SCGN: variants seen among roughly 807,000 people sequenced by gnomAD.
SCGN encodes secretagogin.
A neutral mutation model predicts 39.7 loss-of-function variants in SCGN; 30 were observed. The ratio of observed to expected loss-of-function variants is 0.76; its 90% CI spans 0.57 to 1.03. SCGN has a LOEUF of 1.03. Ranked by LOEUF, SCGN falls within the 50% of genes least tolerant of loss-of-function variation. The pLI, the probability that SCGN is intolerant of heterozygous loss-of-function variation, is 0.00. For synonymous variants in SCGN, 106 were observed against 114.1 expected (o/e 0.93, Z 0.45); for missense variants, 353 against 349.4 (o/e 1.01, Z -0.08).
intron 6 of SCGN, among the ~76,000 whole-genome samples, chr6:25,681,352 G>A (rs374269551): frequency 3.3e-5 from 5 of 152,152 alleles, no homozygotes; most frequent in Non-Finnish European, 7.3e-5. Context: ...TGCTAAATGA[G>A]GGCTAGAATA....
intron 5 of SCGN, 87 bp downstream of exon 5, chr6:25,669,654 G>A: frequency 9.1e-7 from 1 of 1,100,100 alleles, no homozygotes; most frequent in South Asian, 1.3e-5. Context: ...GTGGGCCCAA[G>A]AAAGATGTAT....
chr6:25,693,678 C>T (rs889865796), intron 10 of SCGN, among the ~76,000 whole-genome samples: 4 of 122,668 alleles, frequency 3.3e-5, no homozygotes, highest in Non-Finnish European at 7.7e-5. Flanking sequence ...TGGCAATTAA[C>T]TAACATATTT....
At chr6:25,656,727 G>A (rs1760234440) in intron 2 of SCGN, among the ~76,000 whole-genome samples, 1 of 152,150 alleles carries the variant, frequency 6.6e-6, no homozygotes, top group Admixed American at 6.5e-5. Flanking sequence ...TAGGTCAAAG[G>A]GATAGTCATG....
At chr6:25,675,165 T>C (rs1759548465) in intron 6 of SCGN, among the ~76,000 whole-genome samples, 1 of 152,182 alleles carries the variant, frequency 6.6e-6, no homozygotes, top group South Asian at 2.1e-4. Flanking sequence ...TTCCCAGCAC[T>C]CCCTCAACAA....
At chr6:25,692,702 A>G (rs910178655) in intron 10 of SCGN, among the ~76,000 whole-genome samples, 35 of 152,340 alleles carry the variant, frequency 2.3e-4, no homozygotes, top group African/African-American at 8.4e-4. Flanking sequence ...TGTGGGAGGC[A>G]GCTGGGCTGG....
chr6:25,669,620 G>A, intron 5 of SCGN, 53 bp downstream of exon 5: 1 of 1,461,106 alleles, frequency 6.8e-7, no homozygotes, highest in Non-Finnish European at 9.6e-7. Context: ...AATTTGATAT[G>A]TGTGTATCAT....
intron 10 of SCGN, among the ~76,000 whole-genome samples, chr6:25,697,899 G>A (rs1477466919): frequency 1.3e-5 from 2 of 152,204 alleles, no homozygotes; most frequent in East Asian, 3.8e-4. Flanking sequence ...GTTCTGACAT[G>A]TGTCAGCTGT....
At chr6:25,682,196 ATTC>A (rs1307026762) in intron 7 of SCGN, among the ~76,000 whole-genome samples, 190 bp downstream of exon 7, 1 of 152,202 alleles carries the variant, frequency 6.6e-6, no homozygotes, top group Non-Finnish European at 1.5e-5. Flanking sequence ...GATAATGAAA[ATTC>A]TTCTCTCCAA....
intron 10 of SCGN, among the ~76,000 whole-genome samples, chr6:25,695,211 A>G (rs1395403972): frequency 6.6e-6 from 1 of 152,210 alleles, no homozygotes; most frequent in East Asian, 1.9e-4. Flanking sequence ...AGGAATAAAC[A>G]TGATTTCTTT....
At chr6:25,682,583 A>G (rs1759651630) in intron 7 of SCGN, among the ~76,000 whole-genome samples, 1 of 152,210 alleles carries the variant, frequency 6.6e-6, no homozygotes, top group East Asian at 1.9e-4. Context: ...CTGATCCCAA[A>G]CAGCATGGAG....
chr6:25,699,881 T>C (rs1759887310), intron 10 of SCGN, among the ~76,000 whole-genome samples: 1 of 151,908 alleles, frequency 6.6e-6, no homozygotes, highest in African/African-American at 2.4e-5. Context: ...AAGAAAAAGG[T>C]GCTGGTTTTC....
intron 2 of SCGN, among the ~76,000 whole-genome samples, chr6:25,654,968 C>T (rs144803978): frequency 1.3e-5 from 2 of 152,266 alleles, no homozygotes; most frequent in African/African-American, 4.8e-5. Context: ...CTGAGGAAGC[C>T]TCCCCCAAGT....
intron 4 of SCGN, among the ~76,000 whole-genome samples, chr6:25,668,766 A>G (rs886429061): frequency 2.0e-5 from 3 of 152,112 alleles, no homozygotes; most frequent in African/African-American, 7.2e-5. Flanking sequence ...CTTTCCCATC[A>G]TGTCGGGTCT....
At chr6:25,657,249 C>A (rs1422646093) in intron 2 of SCGN, among the ~76,000 whole-genome samples, 2 of 152,124 alleles carry the variant, frequency 1.3e-5, no homozygotes, top group South Asian at 2.1e-4. Flanking sequence ...TCTCTGAAGA[C>A]CCACTCCAAA....
chr6:25,656,436 T>C (rs1406275453), intron 2 of SCGN, among the ~76,000 whole-genome samples: 2 of 152,200 alleles, frequency 1.3e-5, no homozygotes, highest in Non-Finnish European at 2.9e-5. Flanking sequence ...TAATTACCTA[T>C]TCCTCAGAGC....
intron 2 of SCGN, among the ~76,000 whole-genome samples, chr6:25,654,710 T>G (rs527966955): frequency 7.4e-4 from 113 of 152,342 alleles, no homozygotes; most frequent in African/African-American, 2.6e-3. Context: ...TCTCTCTTTT[T>G]GACCTTCATT....
chr6:25,668,614 A>G (rs957819692), intron 4 of SCGN, among the ~76,000 whole-genome samples: 4 of 152,232 alleles, frequency 2.6e-5, no homozygotes, highest in African/African-American at 9.6e-5. Context: ...CTAATTTTCC[A>G]CCTGTGTGGG....
intron 9 of SCGN, among the ~76,000 whole-genome samples, chr6:25,690,348 A>C (rs1248840195): frequency 2.6e-5 from 4 of 152,228 alleles, no homozygotes; most frequent in Non-Finnish European, 4.4e-5. Context: ...ATTCAGGTTT[A>C]TAAAGCTTTT....
intron 9 of SCGN, among the ~76,000 whole-genome samples, chr6:25,689,834 A>G (rs542693900): frequency 5.1e-4 from 78 of 152,288 alleles, no homozygotes; most frequent in African/African-American, 1.8e-3. Context: ...TATCATACAC[A>G]AAAACATACA....
Sources: gnomAD v4.1 joint callset for allele counts (sites outside exome capture counted in the v4.1 genomes callset) on GRCh38, gnomAD v4.1.1 for gene constraint, MANE v1.5 for transcripts, NCBI Gene and HGNC (gene_info 2026-07-23, HGNC 2026-07-21) for gene names.